Variants in BAZ2B observed in about 807,000 individuals in gnomAD.
BAZ2B encodes the protein bromodomain adjacent to zinc finger domain protein 2B.
A neutral mutation model predicts 246.0 loss-of-function variants in BAZ2B; 91 were observed. The ratio of observed to expected loss-of-function variants is 0.37; its 90% CI spans 0.31 to 0.44. The LOEUF is 0.44. BAZ2B is among the 20% of genes least tolerant of loss of function. BAZ2B has a pLI of 1.00. For synonymous variants in BAZ2B, 855 were observed against 860.0 expected, an observed-to-expected ratio of 0.99 and a Z score of 0.10; for missense variants, 2,332 against 2,533.7, an observed-to-expected ratio of 0.92 and a Z score of 1.71.
At chr2:159,388,534 G>A (rs992482869) in intron 21 of BAZ2B, among the ~76,000 whole-genome samples, 2 of 151,996 alleles carry the variant, frequency 1.3e-5, no homozygotes, top group African/African-American at 4.8e-5. Context: ...AATCCAAATC[G>A]CCATTTATTA....
At chr2:159,555,952 T>C (rs1357935384) in intron 1 of BAZ2B, 87 bp from the exon 2 acceptor site, 3 of 152,248 alleles carry the variant, frequency 2.0e-5, no homozygotes, top group Non-Finnish European at 4.4e-5. Context: ...AATTTGTGTC[T>C]TTCTTCATGC....
chr2:159,521,155 C>A (rs1272176361), intron 2 of BAZ2B, among the ~76,000 whole-genome samples: 1 of 151,948 alleles, frequency 6.6e-6, no homozygotes, highest in Non-Finnish European at 1.5e-5. Flanking sequence ...ACTGAAGTAT[C>A]TCATATTATC....
At chr2:159,521,481 C>G (rs1311020038) in intron 2 of BAZ2B, among the ~76,000 whole-genome samples, 1 of 152,026 alleles carries the variant, frequency 6.6e-6, no homozygotes, top group African/African-American at 2.4e-5. Flanking sequence ...TGCAGAAGAA[C>G]AGACATTGCA....
chr2:159,374,156 C>A (rs2061165901), intron 26 of BAZ2B, among the ~76,000 whole-genome samples: 1 of 150,390 alleles, frequency 6.6e-6, no homozygotes, highest in Non-Finnish European at 1.5e-5. Flanking sequence ...ACGATCCTCT[C>A]ACCTCAGCCT....
intron 1 of BAZ2B, among the ~76,000 whole-genome samples, chr2:159,569,884 A>C (rs13003527): frequency 0.065 from 9,942 of 152,230 alleles, 423 homozygotes; most frequent in Middle Eastern, 0.19. Flanking sequence ...TTCACCTGTG[A>C]GATCATTTTT....
At chr2:159,507,236 T>C (rs2082424518) in intron 2 of BAZ2B, among the ~76,000 whole-genome samples, 3 of 152,080 alleles carry the variant, frequency 2.0e-5, no homozygotes, top group Admixed American at 6.6e-5. Context: ...CTGTGTAAAA[T>C]ATAGCCTGAT....
chr2:159,433,092 T>C lies in BAZ2B; in HGVS notation c.1565A>G (p.Asn522Ser). ...KTKMQSKINENIAAASSTPFS... is the reference protein window; with the variant it reads ...KTKMQSKINESIAAASSTPFS... ...AGGGGTGCTACTTGCAGCAGCAATG[T>C]TTTCATTAATCTTGCTCTGCATTTT... Residue 522 changes from asparagine (N) to serine (S), a missense_variant, in exon 9 of 37, where the codon AAC (asparagine) becomes AGC (serine). By Grantham distance (46) the Asn-to-Ser change is conservative. Coordinates refer to ENST00000392783, the MANE Select transcript of BAZ2B (RefSeq NM_013450.4). 2 of 1,614,208 alleles carry C rather than the reference T, an allele frequency of 1.2e-6. No homozygotes were observed. The highest frequency in any genetic ancestry group is 1.7e-6 in the Non-Finnish European group (2 of 1,180,024).
chr2:159,364,142 AC>A (rs1421582621), intron 27 of BAZ2B, among the ~76,000 whole-genome samples: 1 of 152,034 alleles, frequency 6.6e-6, no homozygotes, highest in Non-Finnish European at 1.5e-5. Flanking sequence ...CTAACCATGT[AC>A]CCCAGATGAT....
chr2:159,634,063 A>C, the BAZ2B span, among the ~76,000 whole-genome samples: 1 of 152,186 alleles, frequency 6.6e-6, no homozygotes, highest in African/African-American at 2.4e-5. Flanking sequence ...ATTCTAAAAA[A>C]TATATACACA....
At chr2:159,567,837 T>A (rs1683014483) in intron 1 of BAZ2B, among the ~76,000 whole-genome samples, 1 of 152,100 alleles carries the variant, frequency 6.6e-6, no homozygotes. Flanking sequence ...CTGGGCATGG[T>A]GGCACGCATC....
chr2:159,329,720 G>T (rs977885165), intron 34 of BAZ2B, among the ~76,000 whole-genome samples: 1 of 152,098 alleles, frequency 6.6e-6, no homozygotes, highest in East Asian at 1.9e-4. Context: ...TTTTACTGTT[G>T]TAAGAAATAT....
chr2:159,525,222 C>T (rs2084600677), intron 2 of BAZ2B, among the ~76,000 whole-genome samples: 1 of 152,026 alleles, frequency 6.6e-6, no homozygotes, highest in African/African-American at 2.4e-5. Flanking sequence ...AGAGGCATCC[C>T]AAGGGGAAGG....
the BAZ2B span, among the ~76,000 whole-genome samples, chr2:159,674,006 C>A: frequency 1.3e-5 from 2 of 148,546 alleles, no homozygotes; most frequent in African/African-American, 5.0e-5. Flanking sequence ...TATTTAAGAA[C>A]ATTTAAGAGT....
In BAZ2B at chr2:159,404,844, C is replaced by G; in HGVS notation, c.2832+5G>C. ...TTAAAAGTCACTTCCAATGTATACA[C>G]ATACCTGCTGTTTCATAATCTTTAT... On this transcript the variant is annotated splice_donor_5th_base_variant and intron_variant, in intron 16 of 36. Coordinates refer to ENST00000392783, the MANE Select transcript of BAZ2B (RefSeq NM_013450.4). 2.5e-6 allele frequency: 4 copies of G among 1,610,766 alleles called. No individual in the cohort carries two copies. Among genetic ancestry groups the G allele is most frequent in the Non-Finnish European group, 8.5e-7 (1 of 1,178,526 alleles).
upstream of BAZ2B, among the ~76,000 whole-genome samples, chr2:159,621,004 T>A (rs1049188615): frequency 2.0e-5 from 3 of 152,126 alleles, no homozygotes; most frequent in Non-Finnish European, 4.4e-5. Context: ...CAGCCAGATA[T>A]TTCTGAGGTA....
chr2:159,429,420 CTG>C lies in BAZ2B; in HGVS notation c.2195-162_2195-161del, dbSNP rs367725398. Among the ~76,000 whole-genome samples, 233 of 152,084 alleles carry C rather than the reference CTG, an allele frequency of 1.5e-3. 8 individuals are homozygous for C. The South Asian group carries it at 0.047, about 31-fold the overall frequency. On this transcript the variant is annotated intron_variant, in intron 10 of 36. Coordinates refer to ENST00000392783, the MANE Select transcript of BAZ2B (RefSeq NM_013450.4). ...TTTTTAGATGGTTTTCAATAAAACA[CTG>C]TATAAGGCAGGGGGCTTTTTTCTTC...
intron 21 of BAZ2B, 27 bp from the exon 22 acceptor site, chr2:159,386,634 A>C: frequency 6.5e-7 from 1 of 1,547,842 alleles, no homozygotes; most frequent in African/African-American, 1.4e-5. Flanking sequence ...ATACAAATAA[A>C]ATAAAAACAG....
chr2:159,566,992 C>T (rs143886935), intron 1 of BAZ2B, among the ~76,000 whole-genome samples: 1 of 151,988 alleles, frequency 6.6e-6, no homozygotes, highest in African/African-American at 2.4e-5. Flanking sequence ...ACCTATAATC[C>T]CAGCACTTTG....
chr2:159,678,505 C>T, the BAZ2B span, among the ~76,000 whole-genome samples: 1 of 152,140 alleles, frequency 6.6e-6, no homozygotes, highest in Non-Finnish European at 1.5e-5. Context: ...ACAACCTGTA[C>T]TAAAAGTACT....
Sources: gnomAD v4.1 joint callset for allele counts (sites outside exome capture counted in the v4.1 genomes callset) on GRCh38, gnomAD v4.1.1 for gene constraint, MANE v1.5 for transcripts, NCBI Gene and HGNC (gene_info 2026-07-23, HGNC 2026-07-21) for gene names.